Variants in COL5A1 observed in about 807,000 individuals in gnomAD.
The protein encoded by COL5A1 is collagen type V alpha 1 chain.
Under a neutral mutation model 263.7 loss-of-function variants are expected in COL5A1, and 16 were observed. The observed-to-expected ratio is 0.06, with a 90% CI of 0.04 to 0.09. The LOEUF is 0.09. COL5A1 is among the 10% of genes least tolerant of loss of function. The pLI, the probability that COL5A1 is intolerant of heterozygous loss-of-function variation, is 1.00. For missense variants in COL5A1, 2,036 were observed against 2,540.5 expected (o/e 0.80, Z 4.27); for synonymous variants, 1,012 against 1,004.5 (o/e 1.01, Z -0.14).
rs142974666 is a variant in COL5A1, at chr9:134,757,805, C to T, written c.1882-438C>T. On this transcript the variant is annotated intron_variant, in intron 17 of 65. Coordinates refer to ENST00000371817, the MANE Select transcript of COL5A1 (RefSeq NM_000093.5). This position sits in a 1 kb window ranked among gnomAD's most constrained non-coding sequence, Gnocchi z 6.2. Reference sequence around the variant, plus strand: ...TGAGGGTAGCCAGTGCTGGCCCGTCCACCAATGGGTACGCGTACCTCCTGA... The same window carrying T: ...TGAGGGTAGCCAGTGCTGGCCCGTCTACCAATGGGTACGCGTACCTCCTGA... 3.1e-3 allele frequency among the ~76,000 whole-genome samples: 470 copies of T among 152,292 alleles called. 2 individuals carry two copies. Among genetic ancestry groups the T allele is most frequent in the African/African-American group, 0.011 (453 of 41,560 alleles).
rs1564438470 is a variant in COL5A1, at chr9:134,759,676, ACCCCCACACT to A, written c.1935+1382_1935+1391del. Among the ~76,000 whole-genome samples, 199 of 73,272 alleles carry A rather than the reference ACCCCCACACT, an allele frequency of 2.7e-3. 2 individuals are homozygous for A. The highest frequency in any genetic ancestry group is 7.9e-3 in the African/African-American group (102 of 12,900). The allele number at this position is 73,272 out of a possible 152,430, so 48.1% of individuals were successfully genotyped here. A position where few individuals can be genotyped will look rare whatever the true frequency, so the allele number is the denominator to read the frequency against. On this transcript the variant is annotated intron_variant, in intron 18 of 65. Transcript: ENST00000371817. ...CACACATACGCATGCACACCCCCACACCCCCACACTCATACACATATGCACACATGCACAC... is the reference window on the plus strand; with the variant it reads ...CACACATACGCATGCACACCCCCACACATACACATATGCACACATGCACAC...
At position 134,761,903 on chromosome 9, in the gene COL5A1, CGTT is replaced by C; in HGVS notation, c.1936-20_1936-18del. 1 of 1,612,862 alleles carries C rather than the reference CGTT, an allele frequency of 6.2e-7. No individual in the cohort carries two copies. The highest frequency in any genetic ancestry group is 8.5e-7 in the Non-Finnish European group (1 of 1,179,430). On this transcript the variant is annotated intron_variant, in intron 18 of 65. Transcript: ENST00000371817. ...GCATGACCTGCTCAGGAGAGGCTGA[CGTT>C]GACCCTTTCACTTCCTAGGGTGACC... is the stretch of plus-strand genomic sequence containing the variant.
In COL5A1 at chr9:134,772,850, G is replaced by A. The variant is rs199654385; in HGVS notation, c.2331+16G>A. On this transcript the variant is annotated intron_variant, in intron 26 of 65. Coordinates refer to ENST00000371817, the MANE Select transcript of COL5A1 (RefSeq NM_000093.5). ...AGGAGGTCAGGTGGGTGCTCGCCACGCCCTCCTACCCTTCAGCATCCAGGT... is the reference window on the plus strand; with the variant it reads ...AGGAGGTCAGGTGGGTGCTCGCCACACCCTCCTACCCTTCAGCATCCAGGT... 2.3e-4 allele frequency: 365 copies of A among 1,613,190 alleles called. 2 individuals carry two copies. The highest frequency in any genetic ancestry group is 1.7e-4 in the Middle Eastern group (1 of 5,862).
chr9:134,677,696 C>T lies in COL5A1; in HGVS notation c.110-13216C>T, dbSNP rs1319854049. 6.6e-6 allele frequency among the ~76,000 whole-genome samples: 1 copy of T among 152,240 alleles called. No individual in the cohort carries two copies. On this transcript the variant is annotated intron_variant, in intron 1 of 65. Transcript: ENST00000371817. This position sits in a 1 kb window ranked among gnomAD's most constrained non-coding sequence, Gnocchi z 4.4. ...GAGCCATCTGTCTATATCCATCCCT[C>T]CATCCTTTCTCAGTCCGGCCATCTT... is the stretch of plus-strand genomic sequence containing the variant.
At chr9:134,665,688 A>G (rs7854299) in intron 1 of COL5A1, among the ~76,000 whole-genome samples, 35,590 of 152,112 alleles carry the variant, frequency 0.23, 5,245 homozygotes, top group African/African-American at 0.41. Flanking sequence ...CAGAGCAGGG[A>G]CAGGGACGTG....
intron 1 of COL5A1, among the ~76,000 whole-genome samples, chr9:134,687,454 TC>T (rs1340411656): frequency 1.8e-3 from 274 of 149,538 alleles, no homozygotes; most frequent in African/African-American, 6.5e-3. Flanking sequence ...CATCCATCCA[TC>T]CATCATCCAT....
chr9:134,685,628 TC>T (rs1833040859), intron 1 of COL5A1, among the ~76,000 whole-genome samples: 1 of 133,350 alleles, frequency 7.5e-6, no homozygotes. Context: ...CCACCATCCA[TC>T]CATCCACCAT....
In COL5A1 at chr9:134,785,068, C is replaced by A. The variant is rs150539264; in HGVS notation, c.2564C>A (p.Pro855His). The A allele has an allele frequency of 1.9e-6, 3 of 1,613,342 alleles. No homozygotes were observed. The highest frequency in any genetic ancestry group is 2.5e-6 in the Non-Finnish European group (3 of 1,179,924). ...GGTCGCGGAGGTCCCAATGGTGACC[C>A]CGGTCCTCTGGGACCCCCTGGGGAG... ...PKGRGGPNGD[P>H]GPLGPPGEKG... is the part of the protein sequence containing the mutation. The change falls in exon 30 of 66, where the codon CCC becomes CAC. Residue 855 changes from proline (P) to histidine (H), a missense_variant. Physicochemically the swap from Pro to His is moderately conservative, Grantham distance 77 (BLOSUM62 -2). This residue lies in a region of COL5A1 where 1,078 missense variants were observed against 1,521.4 expected (regional missense o/e 0.71). Transcript: ENST00000371817.
rs747703848 is a variant in COL5A1, at chr9:134,820,147, C to T, written c.4478C>T (p.Pro1493Leu). 6.2e-7 allele frequency: 1 copy of T among 1,614,028 alleles called. No homozygotes were observed. The highest frequency in any genetic ancestry group is 2.2e-5 in the East Asian group (1 of 44,884). ...GHPGLIGLIG[P>L]PGEQGEKGDR... ...CCAGGCCTGATCGGGCTCATCGGTC[C>T]TCCGGGTGAACAGGGTGAGAAGGGC... Residue 1493 changes from proline (P) to leucine (L), a missense_variant, in exon 58 of 66, where the codon CCT (proline) becomes CTT (leucine). Pro to Leu is a moderately conservative substitution (Grantham distance 98). Transcript: ENST00000371817.
In COL5A1 at chr9:134,794,024, G is replaced by C. The variant is rs536585075; in HGVS notation, c.2701-1058G>C. On this transcript the variant is annotated intron_variant, in intron 32 of 65. Transcript: ENST00000371817. This position sits in a 1 kb window ranked among gnomAD's most constrained non-coding sequence, Gnocchi z 4.3. ...GCCATACAGATCCACCTTGGGCGGA[G>C]CATCAGAAACCAGTCAAGTTCAGCC... is the stretch of plus-strand genomic sequence containing the variant. 6.6e-5 allele frequency among the ~76,000 whole-genome samples: 10 copies of C among 152,220 alleles called. No homozygotes were observed. The highest frequency in any genetic ancestry group is 2.0e-4 in the Admixed American group (3 of 15,284).
chr9:134,816,998 C>T, intron 52 of COL5A1, 28 bp from the exon 53 acceptor site: 10 of 1,610,942 alleles, frequency 6.2e-6, no homozygotes, highest in Non-Finnish European at 7.6e-6. Context: ...CCCAATTCCT[C>T]ACACTCTGTT....
rs71506922 is a variant in COL5A1 at position 134,785,394 on chromosome 9, G to A, written c.2592+298G>A. Among the ~76,000 whole-genome samples the A allele has an allele frequency of 0.039, 5,890 of 152,272 alleles. 164 individuals are homozygous for A. Among genetic ancestry groups the A allele is most frequent in the Non-Finnish European group, 0.057 (3,864 of 68,022 alleles). ...CTGAGCCCCAACATTCCAGGACCCC[G>A]TCCTTGTCACATTCCCGCCTCCACA... On this transcript the variant is annotated intron_variant, in intron 30 of 65. Coordinates refer to ENST00000371817, the MANE Select transcript of COL5A1 (RefSeq NM_000093.5).
intron 64 of COL5A1, among the ~76,000 whole-genome samples, chr9:134,832,268 T>G (rs948653716): frequency 3.3e-5 from 5 of 152,110 alleles, no homozygotes; most frequent in Admixed American, 6.5e-5. Flanking sequence ...TAGCTGGGCA[T>G]AGTGGTGTGC....
At position 134,681,009 on chromosome 9, in the gene COL5A1, G is replaced by A. The variant is rs897090151; in HGVS notation, c.110-9903G>A. 2.0e-4 allele frequency among the ~76,000 whole-genome samples: 31 copies of A among 152,282 alleles called. 1 individual carries two copies. The highest frequency in any genetic ancestry group is 7.5e-4 in the African/African-American group (31 of 41,548). On this transcript the variant is annotated intron_variant, in intron 1 of 65. Transcript: ENST00000371817. This position sits in a 1 kb window ranked among gnomAD's most constrained non-coding sequence, Gnocchi z 4.3. ...GATGGTGTCCTCGGCCTGTGCTGCA[G>A]CCCCAGGCCCTCTGTGCATTTCCCA... is the stretch of plus-strand genomic sequence containing the variant.
chr9:134,737,317 G>A (rs191277148), intron 9 of COL5A1, among the ~76,000 whole-genome samples: 1 of 152,352 alleles, frequency 6.6e-6, no homozygotes, highest in Non-Finnish European at 1.5e-5. Context: ...CTGAGCCAGA[G>A]CTGCCCCTGG....
intron 27 of COL5A1, among the ~76,000 whole-genome samples, chr9:134,778,860 G>A (rs751586895): frequency 1.6e-4 from 25 of 152,384 alleles, no homozygotes; most frequent in South Asian, 4.1e-4. Context: ...CCCTGTCTGC[G>A]TGGCTGGAAG....
intron 63 of COL5A1, 30 bp from the exon 64 acceptor site, chr9:134,829,946 T>C: frequency 1.9e-6 from 3 of 1,606,080 alleles, no homozygotes; most frequent in Non-Finnish European, 2.6e-6. Flanking sequence ...TCTGTTTCTC[T>C]CCCTCCCCAC....
rs1831307352 is a variant in COL5A1, at chr9:134,642,107, GCCCGGGCCGTGA to G, written c.-76_-65del. 1 of 1,181,782 alleles carries G rather than the reference GCCCGGGCCGTGA, an allele frequency of 8.5e-7. No homozygotes were observed. The highest frequency in any genetic ancestry group is 1.1e-6 in the Non-Finnish European group (1 of 943,374). 73.2% of individuals were successfully genotyped at this position (1,181,782 alleles called of 1,614,324 possible). On this transcript the variant is annotated 5_prime_UTR_variant, in exon 1 of 66. Coordinates refer to ENST00000371817, the MANE Select transcript of COL5A1 (RefSeq NM_000093.5). This position sits in a 1 kb window ranked among gnomAD's most constrained non-coding sequence, Gnocchi z 4.5. ...TGGTGCGGTCCCTGCTGAGTGCGCT[GCCCGGGCCGTGA>G]CCCGCGCCCCTGTGCGTCCCCGCGC...
Position 134,803,038 on chromosome 9 carries a change from A to G in COL5A1, c.3114+43A>G. The G allele has an allele frequency of 2.0e-6, 3 of 1,483,656 alleles. No individual in the cohort carries two copies. The South Asian group carries it at 3.6e-5, about 18-fold the overall frequency. 91.9% of individuals were successfully genotyped at this position (1,483,656 alleles called of 1,614,324 possible). A position where few individuals can be genotyped will look rare whatever the true frequency, so the allele number is the denominator to read the frequency against. On this transcript the variant is annotated intron_variant, in intron 39 of 65. Coordinates refer to ENST00000371817, the MANE Select transcript of COL5A1 (RefSeq NM_000093.5). ...TCTGTGTCAGCTCAGGCGTTTCCTC[A>G]GGAATCATTTTGGGACTTTGTGTTT...
Sources: allele counts gnomAD v4.1 joint callset (sites outside exome capture counted in the v4.1 genomes callset), GRCh38; gene constraint gnomAD v4.1.1; regional missense constraint gnomAD v4.1.1; non-coding constraint Gnocchi (gnomAD v3.1); transcripts MANE v1.5; gene names NCBI Gene and HGNC (gene_info 2026-07-23, HGNC 2026-07-21).